The following MAST4 variants were observed in gnomAD, a reference collection of about 807,000 sequenced individuals.
MAST4 encodes microtubule associated serine/threonine kinase family member 4.
A neutral mutation model predicts 162.7 loss-of-function variants in MAST4; 89 were observed. The observed-to-expected ratio is 0.55, with a 90% CI of 0.46 to 0.65. MAST4 has a LOEUF of 0.65. MAST4 is among the 30% of genes least tolerant of loss of function. MAST4 has a pLI of 0.00. For synonymous variants in MAST4, 1,479 were observed against 1,361.1 expected (o/e 1.09, Z -1.91); for missense variants, 3,153 against 3,374.0 (o/e 0.93, Z 1.62).
intron 1 of MAST4, among the ~76,000 whole-genome samples, chr5:66,749,309 TG>T (rs1229517712): frequency 1.3e-5 from 2 of 152,138 alleles, no homozygotes; most frequent in Non-Finnish European, 2.9e-5. Flanking sequence ...CAATTCCCAC[TG>T]GGGCTAGGTC....
intron 3 of MAST4, among the ~76,000 whole-genome samples, chr5:66,815,305 C>T (rs1756664416): frequency 6.6e-6 from 1 of 152,146 alleles, no homozygotes; most frequent in Admixed American, 6.5e-5. Flanking sequence ...AACATATTCC[C>T]CCCTTATCTG....
intron 4 of MAST4, among the ~76,000 whole-genome samples, chr5:67,039,670 A>T (rs1301693547): frequency 1.3e-5 from 2 of 152,172 alleles, no homozygotes; most frequent in East Asian, 3.9e-4. Context: ...AACCACAGTT[A>T]AACTTTTCCT....
intron 1 of MAST4, among the ~76,000 whole-genome samples, chr5:66,715,008 C>T (rs1346474539): frequency 3.9e-5 from 6 of 152,202 alleles, no homozygotes; most frequent in Non-Finnish European, 7.3e-5. Flanking sequence ...TTATGCTACC[C>T]CTGGGGTCCA....
chr5:66,838,882 G>C (rs986998623), intron 3 of MAST4, among the ~76,000 whole-genome samples: 2 of 152,162 alleles, frequency 1.3e-5, no homozygotes, highest in Non-Finnish European at 2.9e-5. Flanking sequence ...GGGCCTCATA[G>C]TCTAGCAATA....
At chr5:67,029,431 A>G (rs1755054403) in intron 4 of MAST4, among the ~76,000 whole-genome samples, 1 of 152,184 alleles carries the variant, frequency 6.6e-6, no homozygotes, top group Admixed American at 6.6e-5. Flanking sequence ...GGATGTAAAC[A>G]TCTTTGCTTG....
In MAST4 at chr5:67,132,023, TC is replaced by T. The variant is rs1489933532; in HGVS notation, c.2093+73del. ...TTCTCGTATGTTTATAAAGATGTTT[TC>T]TTTTAGTCAATGTACATTTTTAAAT... On this transcript the variant is annotated intron_variant, in intron 16 of 28. Transcript: ENST00000403625. 3 of 1,490,770 alleles carry T rather than the reference TC, an allele frequency of 2.0e-6. No homozygotes were observed. In the African/African-American group the frequency reaches 4.2e-5, roughly 21 times the overall value. The allele number at this position is 1,490,770 out of a possible 1,614,324, so 92.3% of individuals were successfully genotyped here. A position where few individuals can be genotyped will look rare whatever the true frequency, so the allele number is the denominator to read the frequency against.
At chr5:67,145,807 G>A (rs1414732624) in intron 23 of MAST4, among the ~76,000 whole-genome samples, 1 of 152,178 alleles carries the variant, frequency 6.6e-6, no homozygotes, top group African/African-American at 2.4e-5. Context: ...AAGATGTCTT[G>A]AATCACCCTA....
intron 4 of MAST4, chr5:66,959,066 A>C: frequency 1.6e-6 from 1 of 607,928 alleles, no homozygotes; most frequent in Admixed American, 2.6e-5. Flanking sequence ...TGAGGAAAGC[A>C]GCTGACATCT....
intron 1 of MAST4, among the ~76,000 whole-genome samples, chr5:66,664,869 T>C (rs981870802): frequency 6.6e-6 from 1 of 151,968 alleles, no homozygotes; most frequent in East Asian, 1.9e-4. Flanking sequence ...GAAAGTGAAA[T>C]AGTCAAAATG....
intron 4 of MAST4, chr5:67,004,586 CCG>C (rs1284881269): frequency 1.2e-5 from 2 of 168,516 alleles, no homozygotes; most frequent in East Asian, 3.0e-4. Flanking sequence ...GTCGTCTCCC[CCG>C]CCCCTCGCAG....
intron 4 of MAST4, chr5:66,963,722 C>T (rs1044709745): frequency 2.2e-5 from 17 of 779,694 alleles, no homozygotes; most frequent in Admixed American, 1.5e-4. Context: ...CTCCCAGGAG[C>T]CTGAGTCCAA....
intron 3 of MAST4, among the ~76,000 whole-genome samples, chr5:66,851,651 C>T (rs1759321291): frequency 6.6e-6 from 1 of 152,156 alleles, no homozygotes; most frequent in Admixed American, 6.5e-5. Flanking sequence ...ATCTAAATCC[C>T]TTTTTATTTT....
At chr5:66,787,120 T>C (rs1305527562) in intron 2 of MAST4, among the ~76,000 whole-genome samples, 2 of 152,204 alleles carry the variant, frequency 1.3e-5, no homozygotes, top group African/African-American at 4.8e-5. Context: ...AAGAAGATAC[T>C]TTTCATTTTT....
intron 19 of MAST4, among the ~76,000 whole-genome samples, chr5:67,139,661 C>T (rs1489705657): frequency 6.6e-6 from 1 of 152,188 alleles, no homozygotes; most frequent in Non-Finnish European, 1.5e-5. Context: ...CTAACAGGAG[C>T]TCAAGGTATA....
intron 4 of MAST4, among the ~76,000 whole-genome samples, chr5:67,005,329 C>T (rs769519704): frequency 2.1e-4 from 32 of 152,276 alleles, no homozygotes; most frequent in Middle Eastern, 3.4e-3. Flanking sequence ...GATAATAAGA[C>T]ATTTCCTTGT....
intron 4 of MAST4, among the ~76,000 whole-genome samples, chr5:66,913,776 CAT>C (rs1410557794): frequency 6.6e-6 from 1 of 152,146 alleles, no homozygotes; most frequent in Admixed American, 6.6e-5. Context: ...TTAGATTGTA[CAT>C]TTAGGTCTAT....
intron 4 of MAST4, among the ~76,000 whole-genome samples, chr5:67,028,290 A>G (rs1754916612): frequency 6.6e-6 from 1 of 152,142 alleles, no homozygotes; most frequent in South Asian, 2.1e-4. Flanking sequence ...ACAAATAGCT[A>G]TCGTACAGAG....
At chr5:67,132,422 T>C (rs1769097620) in intron 16 of MAST4, among the ~76,000 whole-genome samples, 1 of 152,248 alleles carries the variant, frequency 6.6e-6, no homozygotes, top group South Asian at 2.1e-4. Context: ...AGTTTTTTTT[T>C]CAAATGGTGC....
chr5:66,896,620 G>A (rs1193882074), intron 3 of MAST4, among the ~76,000 whole-genome samples: 3 of 152,264 alleles, frequency 2.0e-5, no homozygotes, highest in South Asian at 2.1e-4. Flanking sequence ...AAACACGTGC[G>A]GCATGTATAG....
Sources: allele counts gnomAD v4.1 joint callset (sites outside exome capture counted in the v4.1 genomes callset), GRCh38; gene constraint gnomAD v4.1.1; transcripts MANE v1.5; gene names NCBI Gene and HGNC (gene_info 2026-07-23, HGNC 2026-07-21).